The following LRRC28 variants were observed in gnomAD, a reference collection of about 807,000 sequenced individuals.
LRRC28 encodes leucine rich repeat containing 28, also known as leucine-rich repeat-containing protein 28.
A neutral mutation model predicts 45.7 loss-of-function variants in LRRC28; 39 were observed. The ratio of observed to expected loss-of-function variants is 0.85; its 90% CI spans 0.66 to 1.12. The LOEUF is 1.12. LRRC28 is among the 50% of genes most tolerant of loss of function. The pLI, the probability that LRRC28 is intolerant of heterozygous loss-of-function variation, is 0.00. For synonymous variants in LRRC28, 206 were observed against 178.8 expected (o/e 1.15, Z -1.22); for missense variants, 435 against 438.5 (o/e 0.99, Z 0.07).
chr15:99,346,613 G>A (rs1055332084), intron 6 of LRRC28, among the ~76,000 whole-genome samples: 5 of 151,920 alleles, frequency 3.3e-5, no homozygotes, highest in Non-Finnish European at 5.9e-5. Flanking sequence ...TTTTTTTAGG[G>A]CATTAAAGTA....
chr15:99,334,402 A>AGTGTGT (rs57298947), intron 6 of LRRC28, among the ~76,000 whole-genome samples: 6,260 of 144,632 alleles, frequency 0.043, 181 homozygotes, highest in African/African-American at 0.089. Context: ...GGAATTAAAG[A>AGTGTGT]GTGTGTGTGT....
chr15:99,260,840 G>A (rs79054791), intron 2 of LRRC28, among the ~76,000 whole-genome samples: 1 of 152,278 alleles, frequency 6.6e-6, no homozygotes, highest in African/African-American at 2.4e-5. Context: ...TGCTTAATTG[G>A]CCTTTTACTT....
Position 99,389,104 on chromosome 15 carries a change from A to G in LRRC28, c.*3002A>G, listed in dbSNP as rs962167882. ...CTTGGGTGGAGGATCCACTCTGGCT[A>G]ACGGATAAGAGTGATGAACTTCTTT... is the stretch of plus-strand genomic sequence containing the variant. On this transcript the variant is annotated 3_prime_UTR_variant, in exon 10 of 10. Transcript: ENST00000301981. The G allele has an allele frequency of 1.3e-5, 2 of 152,236 alleles. No homozygotes were observed. The highest frequency in any genetic ancestry group is 6.5e-5 in the Admixed American group (1 of 15,286). The allele number at this position is 152,236 out of a possible 1,614,324, so 9.4% of individuals were successfully genotyped here.
At chr15:99,376,765 A>G (rs558494418) in intron 9 of LRRC28, among the ~76,000 whole-genome samples, 5 of 152,088 alleles carry the variant, frequency 3.3e-5, no homozygotes, top group South Asian at 2.1e-4. Context: ...TCATTGTTCA[A>G]TTCCCACCTA....
At position 99,255,942 on chromosome 15, in the gene LRRC28, T is replaced by C. The variant is rs2081004854; in HGVS notation, c.-16T>C. On this transcript the variant is annotated 5_prime_UTR_variant, in exon 2 of 10. An upstream start codon of the reference 5' UTR is lost. Coordinates refer to ENST00000301981, the MANE Select transcript of LRRC28 (RefSeq NM_144598.5). The stretch of plus-strand genomic sequence containing the variant: ...AGATATAGTGCTGCAGCGTGCCTGA[T>C]GGGATATATTCAGTCATGGCGTCCG... 1.2e-6 allele frequency: 2 copies of C among 1,609,526 alleles called. No individual in the cohort carries two copies. Among genetic ancestry groups the C allele is most frequent in the African/African-American group, 2.7e-5 (2 of 74,848 alleles).
chr15:99,347,295 C>T (rs544329481), intron 6 of LRRC28, among the ~76,000 whole-genome samples: 3 of 152,078 alleles, frequency 2.0e-5, no homozygotes, highest in South Asian at 2.1e-4. Flanking sequence ...CTGCAAGCTC[C>T]GCCTCCCGGG....
At chr15:99,353,057 T>G (rs920622230) in intron 7 of LRRC28, among the ~76,000 whole-genome samples, 4 of 152,204 alleles carry the variant, frequency 2.6e-5, no homozygotes, top group African/African-American at 9.6e-5. Context: ...AGCAATAATC[T>G]TTTCTTTTTA....
intron 8 of LRRC28, among the ~76,000 whole-genome samples, chr15:99,362,419 A>G (rs74033474): frequency 6.6e-6 from 1 of 152,206 alleles, no homozygotes; most frequent in African/African-American, 2.4e-5. Context: ...TCACCTCAGC[A>G]TGACCATGCC....
At chr15:99,282,609 AATACG>A (rs2081836880) in intron 3 of LRRC28, among the ~76,000 whole-genome samples, 1 of 152,198 alleles carries the variant, frequency 6.6e-6, no homozygotes, top group Admixed American at 6.5e-5. Flanking sequence ...TACAGTATTC[AATACG>A]ATAACATACT....
At chr15:99,296,446 C>T (rs1567638059) in intron 5 of LRRC28, among the ~76,000 whole-genome samples, 1 of 152,176 alleles carries the variant, frequency 6.6e-6, no homozygotes, top group East Asian at 1.9e-4. Context: ...AGGCAAATAC[C>T]ATGGTAATTT....
At chr15:99,265,027 A>G (rs2081296542) in intron 2 of LRRC28, among the ~76,000 whole-genome samples, 1 of 152,316 alleles carries the variant, frequency 6.6e-6, no homozygotes, top group East Asian at 1.9e-4. Context: ...TTACCAGGTC[A>G]GACCATCTGC....
chr15:99,324,332 CTG>C (rs1321148751), intron 5 of LRRC28, among the ~76,000 whole-genome samples: 1 of 152,148 alleles, frequency 6.6e-6, no homozygotes, highest in African/African-American at 2.4e-5. Flanking sequence ...CTGCAGTTGA[CTG>C]TGGGTAACTG....
intron 5 of LRRC28, among the ~76,000 whole-genome samples, chr15:99,296,304 G>T (rs2082261003): frequency 6.6e-6 from 1 of 152,196 alleles, no homozygotes; most frequent in Non-Finnish European, 1.5e-5. Context: ...CTTCCATTGT[G>T]CCTACCTACT....
At chr15:99,383,930 A>G (rs1345547179) in intron 9 of LRRC28, among the ~76,000 whole-genome samples, 2 of 152,146 alleles carry the variant, frequency 1.3e-5, no homozygotes, top group Admixed American at 6.5e-5. Context: ...AATGTATCAT[A>G]TTCTGAGGTA....
At chr15:99,378,946 A>G (rs983507596) in intron 9 of LRRC28, among the ~76,000 whole-genome samples, 4 of 151,936 alleles carry the variant, frequency 2.6e-5, no homozygotes, top group Non-Finnish European at 4.4e-5. Flanking sequence ...GTTTCCCAGT[A>G]TTTTATTGAG....
chr15:99,328,906 C>G (rs959081963), intron 5 of LRRC28, among the ~76,000 whole-genome samples: 1 of 149,944 alleles, frequency 6.7e-6, no homozygotes, highest in Admixed American at 6.6e-5. Flanking sequence ...GGCCTTCAGA[C>G]TGGGACTGAG....
At chr15:99,292,052 C>T (rs1294731877) in intron 5 of LRRC28, among the ~76,000 whole-genome samples, 2 of 152,212 alleles carry the variant, frequency 1.3e-5, no homozygotes, top group African/African-American at 4.8e-5. Flanking sequence ...TCTCTTTGCT[C>T]TCCAGTTTGG....
chr15:99,262,813 T>A (rs1288113679), intron 2 of LRRC28, among the ~76,000 whole-genome samples: 1 of 151,568 alleles, frequency 6.6e-6, no homozygotes, highest in Non-Finnish European at 1.5e-5. Flanking sequence ...CATACCCAGC[T>A]GAGTTTTACA....
chr15:99,320,468 A>G (rs574157571), intron 5 of LRRC28: 1 of 152,264 alleles, frequency 6.6e-6, no homozygotes, highest in African/African-American at 2.4e-5. Flanking sequence ...GTAGACCATT[A>G]CTCTTTAGAG....
Sources: allele counts gnomAD v4.1 joint callset (sites outside exome capture counted in the v4.1 genomes callset), GRCh38; gene constraint gnomAD v4.1.1; transcripts MANE v1.5; gene names NCBI Gene and HGNC (gene_info 2026-07-23, HGNC 2026-07-21).